Variants in CFAP299 observed in about 807,000 individuals in gnomAD.
CFAP299 encodes the protein cilia- and flagella-associated protein 299.
A neutral mutation model predicts 27.0 loss-of-function variants in CFAP299; 21 were observed. The observed-to-expected ratio is 0.78, with a 90% CI of 0.55 to 1.12. The LOEUF is 1.12. Ranked by LOEUF, CFAP299 falls within the 50% of genes most tolerant of loss-of-function variation. CFAP299 has a pLI of 0.00. For synonymous variants in CFAP299, 104 were observed against 98.1 expected, an observed-to-expected ratio of 1.06 and a Z score of -0.36; for missense variants, 310 against 276.6, an observed-to-expected ratio of 1.12 and a Z score of -0.86.
chr4:80,888,491 G>A (rs1578214069), intron 4 of CFAP299, among the ~76,000 whole-genome samples: 5 of 151,874 alleles, frequency 3.3e-5, no homozygotes, highest in Admixed American at 2.6e-4. Flanking sequence ...ATTATTAGAG[G>A]CAATGAGATA....
At chr4:80,603,046 A>T (rs2867780) in intron 3 of CFAP299, among the ~76,000 whole-genome samples, 1 of 152,202 alleles carries the variant, frequency 6.6e-6, no homozygotes, top group South Asian at 2.1e-4. Flanking sequence ...GCAAATATTT[A>T]TCTGCTTTTA....
At chr4:80,891,845 A>AAG (rs1553903798) in intron 4 of CFAP299, among the ~76,000 whole-genome samples, 3 of 145,160 alleles carry the variant, frequency 2.1e-5, no homozygotes, top group Non-Finnish European at 4.5e-5. Flanking sequence ...AAAAAAAAAA[A>AAG]AAAAGAAATT....
intron 3 of CFAP299, among the ~76,000 whole-genome samples, chr4:80,624,147 C>A (rs1197273530): frequency 6.6e-6 from 1 of 151,982 alleles, no homozygotes. Context: ...ATAAGGGTGC[C>A]ATTGACTGTT....
At chr4:80,510,694 A>G (rs765356640) in intron 2 of CFAP299, among the ~76,000 whole-genome samples, 6 of 152,154 alleles carry the variant, frequency 3.9e-5, no homozygotes, top group East Asian at 1.9e-4. Flanking sequence ...ACACCAATAT[A>G]TGCCCTTTCC....
At chr4:80,504,090 T>C (rs563800363) in intron 2 of CFAP299, among the ~76,000 whole-genome samples, 10 of 152,070 alleles carry the variant, frequency 6.6e-5, no homozygotes, top group Non-Finnish European at 1.5e-4. Flanking sequence ...AAGGGTGGTA[T>C]ATGGCATGTC....
At chr4:80,566,261 C>A (rs1735277843) in intron 2 of CFAP299, among the ~76,000 whole-genome samples, 1 of 152,034 alleles carries the variant, frequency 6.6e-6, no homozygotes, top group African/African-American at 2.4e-5. Flanking sequence ...GGGTATCATG[C>A]AATAAGCCTT....
intron 3 of CFAP299, among the ~76,000 whole-genome samples, chr4:80,744,269 TAGAA>T (rs1254512250): frequency 6.6e-6 from 1 of 152,092 alleles, no homozygotes; most frequent in Non-Finnish European, 1.5e-5. Flanking sequence ...CTGGATGTCT[TAGAA>T]AGACTCCAAG....
chr4:80,545,325 A>T (rs1207309290), intron 2 of CFAP299, among the ~76,000 whole-genome samples: 1 of 152,152 alleles, frequency 6.6e-6, no homozygotes, highest in Non-Finnish European at 1.5e-5. Flanking sequence ...TCTAAGGCTA[A>T]CAGAAGAAAA....
intron 2 of CFAP299, among the ~76,000 whole-genome samples, chr4:80,481,051 A>C (rs1249479989): frequency 6.6e-6 from 1 of 152,060 alleles, no homozygotes; most frequent in Non-Finnish European, 1.5e-5. Flanking sequence ...CAGAAATCAC[A>C]TCACATGTGG....
intron 2 of CFAP299, among the ~76,000 whole-genome samples, chr4:80,562,803 G>T (rs62305161): frequency 4.0e-5 from 6 of 151,474 alleles, no homozygotes; most frequent in Non-Finnish European, 7.4e-5. Flanking sequence ...TACAAGAAAC[G>T]TACTTTACCT....
intron 3 of CFAP299, among the ~76,000 whole-genome samples, chr4:80,776,145 T>C (rs1726525987): frequency 3.3e-5 from 5 of 152,124 alleles, no homozygotes; most frequent in Admixed American, 1.3e-4. Context: ...CAAAACTGTT[T>C]AGGACACAAG....
intron 1 of CFAP299, among the ~76,000 whole-genome samples, chr4:80,360,148 A>G (rs562405567): frequency 3.9e-5 from 6 of 152,306 alleles, no homozygotes; most frequent in African/African-American, 1.4e-4. Context: ...GGGGACTTGT[A>G]TTGGCCCCTG....
chr4:80,744,981 G>T (rs1437248615), intron 3 of CFAP299, among the ~76,000 whole-genome samples: 1 of 152,062 alleles, frequency 6.6e-6, no homozygotes, highest in African/African-American at 2.4e-5. Flanking sequence ...CTTAGCCCAT[G>T]TTGCAGTGAA....
At chr4:80,714,587 T>G (rs1249512253) in intron 3 of CFAP299, among the ~76,000 whole-genome samples, 1 of 152,110 alleles carries the variant, frequency 6.6e-6, no homozygotes, top group Non-Finnish European at 1.5e-5. Flanking sequence ...AATTTCTAAC[T>G]CTGAAACTTT....
rs371232334 is a variant in CFAP299, at chr4:80,904,209, AT to A, written c.476+34076del. Among the ~76,000 whole-genome samples, 77 of 152,294 alleles carry A rather than the reference AT, an allele frequency of 5.1e-4. 1 individual carries two copies. The East Asian group carries it at 0.014, about 29-fold the overall frequency. On this transcript the variant is annotated intron_variant, in intron 4 of 5. Coordinates refer to ENST00000358105, the MANE Select transcript of CFAP299 (RefSeq NM_152770.3). ...TGGGATTAATCCTCACATTAACCGT[AT>A]TAGAGGGATTAACATTTTTGGTCTG...
intron 4 of CFAP299, among the ~76,000 whole-genome samples, chr4:80,932,672 C>G (rs1457522704): frequency 6.6e-6 from 1 of 152,100 alleles, no homozygotes; most frequent in Non-Finnish European, 1.5e-5. Flanking sequence ...TTAAATATCT[C>G]TATCATATTT....
chr4:80,535,977 CTG>C (rs1469030685), intron 2 of CFAP299, among the ~76,000 whole-genome samples: 1 of 152,112 alleles, frequency 6.6e-6, no homozygotes, highest in African/African-American at 2.4e-5. Flanking sequence ...TCTAGAACCA[CTG>C]TGTGTGTTGA....
chr4:80,693,565 A>T (rs1470978873), intron 3 of CFAP299, among the ~76,000 whole-genome samples: 2 of 75,676 alleles, frequency 2.6e-5, no homozygotes, highest in African/African-American at 5.2e-5. Context: ...GGGAGGGGGG[A>T]GGGATAGCAT....
intron 4 of CFAP299, among the ~76,000 whole-genome samples, chr4:80,921,599 T>G (rs1439924565): frequency 1.3e-5 from 2 of 152,002 alleles, no homozygotes; most frequent in Non-Finnish European, 2.9e-5. Context: ...TGAAGGGCCA[T>G]GTAAAAGCAG....
Sources: gnomAD v4.1 joint callset for allele counts (sites outside exome capture counted in the v4.1 genomes callset) on GRCh38, gnomAD v4.1.1 for gene constraint, MANE v1.5 for transcripts, NCBI Gene and HGNC (gene_info 2026-07-23, HGNC 2026-07-21) for gene names.